The following SYT16 variants were observed in gnomAD, a reference collection of about 807,000 sequenced individuals.
The protein encoded by SYT16 is synaptotagmin 16.
Under a neutral mutation model 61.4 loss-of-function variants are expected in SYT16, and 42 were observed. The ratio of observed to expected loss-of-function variants is 0.68; its 90% CI spans 0.53 to 0.89. The LOEUF (loss-of-function observed/expected upper bound fraction) is 0.89. SYT16 is among the 40% of genes least tolerant of loss of function. SYT16 has a pLI of 0.00. For missense variants in SYT16, 804 were observed against 807.3 expected (o/e 1.00, Z 0.05); for synonymous variants, 314 against 302.3 (o/e 1.04, Z -0.40).
At chr14:61,891,231 TACACACAC>T (rs2048114426) in intron 1 of SYT16, among the ~76,000 whole-genome samples, 1 of 114,942 alleles carries the variant, frequency 8.7e-6, no homozygotes, top group South Asian at 2.8e-4. Flanking sequence ...TGCACGTGCA[TACACACAC>T]GCGCACACAC....
chr14:62,064,334 G>GAAAAAAAAAAAAAA (rs781727444), intron 3 of SYT16, among the ~76,000 whole-genome samples: 12 of 42,996 alleles, frequency 2.8e-4, no homozygotes, highest in African/African-American at 4.1e-4. Flanking sequence ...CTTTAAATTT[G>GAAAAAAAAAAAAAA]AAAAAAAAAA....
rs2045500756 is a variant in SYT16 at position 61,818,184 on chromosome 14, T to C, written c.-325+5374T>C. 1.3e-5 allele frequency among the ~76,000 whole-genome samples: 2 copies of C among 152,334 alleles called. 1 individual carries two copies. Among genetic ancestry groups the C allele is most frequent in the South Asian group, 4.1e-4 (2 of 4,830 alleles). On this transcript the variant is annotated intron_variant, in intron 1 of 7. Coordinates refer to ENST00000683842, the MANE Select transcript of SYT16 (RefSeq NM_001367656.1). ...GAGAGAATAGTATAGTGAACCCCCA[T>C]GTATCCAGGTCACATAGCTTTAATG...
Position 62,069,783 on chromosome 14 carries a change from GAGA to G in SYT16, c.708_710del (p.Glu236del), listed in dbSNP as rs2140941935. 6.2e-7 allele frequency: 1 copy of G among 1,613,982 alleles called. No individual in the cohort carries two copies. The highest frequency in any genetic ancestry group is 2.2e-5 in the East Asian group (1 of 44,876). On this transcript the variant is annotated inframe_deletion, in exon 4 of 8. Transcript: ENST00000683842. ...TTCAGCCGTTCGTTGTTGACACACG[GAGA>G]AGATGGCACAGAAGTATCTGCCTGC...
intron 3 of SYT16, among the ~76,000 whole-genome samples, chr14:62,058,481 G>C (rs559480836): frequency 2.0e-5 from 3 of 151,072 alleles, no homozygotes; most frequent in African/African-American, 7.3e-5. Flanking sequence ...CTCCTGCCTC[G>C]GCCTCCTGAG....
chr14:62,084,152 G>A, intron 6 of SYT16, 44 bp from the exon 7 acceptor site: 1 of 1,595,212 alleles, frequency 6.3e-7, no homozygotes, highest in South Asian at 1.1e-5. Flanking sequence ...AAAGAGAGTA[G>A]TGCAGCGTGG....
At chr14:62,012,003 A>G (rs1316796107) in intron 3 of SYT16, among the ~76,000 whole-genome samples, 2 of 110,328 alleles carry the variant, frequency 1.8e-5, no homozygotes, top group African/African-American at 3.5e-5. Flanking sequence ...CTGCATGTTA[A>G]AAAAAAAACA....
At chr14:61,971,070 A>G (rs1312359448) in intron 2 of SYT16, among the ~76,000 whole-genome samples, 2 of 152,126 alleles carry the variant, frequency 1.3e-5, no homozygotes, top group Non-Finnish European at 2.9e-5. Context: ...AGTACCCTCC[A>G]GGTATCCTAC....
chr14:61,822,416 T>G (rs539526453), intron 1 of SYT16, among the ~76,000 whole-genome samples: 1 of 152,330 alleles, frequency 6.6e-6, no homozygotes, highest in East Asian at 1.9e-4. Flanking sequence ...TCCTGCATCA[T>G]TCTTCTCTGG....
At chr14:61,927,864 G>A (rs114358425) in intron 1 of SYT16, among the ~76,000 whole-genome samples, 1,751 of 152,222 alleles carry the variant, frequency 0.012, 36 homozygotes, top group African/African-American at 0.04. Context: ...GGGAGGTGGA[G>A]GTGCTTTTCC....
chr14:61,921,421 G>A (rs2049331277), intron 1 of SYT16, among the ~76,000 whole-genome samples: 1 of 152,192 alleles, frequency 6.6e-6, no homozygotes, highest in Non-Finnish European at 1.5e-5. Flanking sequence ...CTAATCATAA[G>A]CAAGGGGACC....
At chr14:61,968,884 G>A (rs1429508011) in intron 1 of SYT16, among the ~76,000 whole-genome samples, 1 of 152,170 alleles carries the variant, frequency 6.6e-6, no homozygotes, top group Non-Finnish European at 1.5e-5. Flanking sequence ...CATGGTATGT[G>A]TTGGTTTTGA....
intron 1 of SYT16, among the ~76,000 whole-genome samples, chr14:61,964,889 G>T (rs1446440898): frequency 6.7e-6 from 1 of 150,056 alleles, no homozygotes; most frequent in African/African-American, 2.5e-5. Context: ...AGGGATCAGT[G>T]ATTTTTAGCT....
intron 3 of SYT16, among the ~76,000 whole-genome samples, chr14:62,032,696 G>A (rs999857886): frequency 2.0e-5 from 3 of 151,388 alleles, no homozygotes; most frequent in Non-Finnish European, 2.9e-5. Flanking sequence ...TTGACAGATC[G>A]TGGAGCTTCT....
At chr14:62,046,807 G>A (rs138096126) in intron 3 of SYT16, among the ~76,000 whole-genome samples, 5,265 of 152,162 alleles carry the variant, frequency 0.035, 317 homozygotes, top group African/African-American at 0.12. Context: ...TGTTCCATTG[G>A]TCTATATCTC....
intron 1 of SYT16, among the ~76,000 whole-genome samples, chr14:61,857,412 G>T (rs2046810214): frequency 6.6e-6 from 1 of 152,210 alleles, no homozygotes; most frequent in African/African-American, 2.4e-5. Flanking sequence ...GAAATTAGAG[G>T]TGGGCCCAGG....
At chr14:62,094,482 C>G (rs535968513) in intron 7 of SYT16, among the ~76,000 whole-genome samples, 22 of 151,908 alleles carry the variant, frequency 1.4e-4, no homozygotes, top group Non-Finnish European at 2.9e-4. Flanking sequence ...GTTCTTTATT[C>G]TAAGTTATAG....
intron 3 of SYT16, among the ~76,000 whole-genome samples, chr14:62,030,178 A>C (rs2054259995): frequency 1.3e-5 from 2 of 152,202 alleles, no homozygotes; most frequent in Non-Finnish European, 2.9e-5. Context: ...GAAAATATTC[A>C]ATACAAAGCC....
chr14:61,832,222 C>A, intron 1 of SYT16: 2 of 635,304 alleles, frequency 3.1e-6, no homozygotes, highest in Non-Finnish European at 6.1e-6. Flanking sequence ...TTGACATGGG[C>A]CACATCGGGT....
intron 3 of SYT16, among the ~76,000 whole-genome samples, chr14:62,014,780 T>A (rs147896292): frequency 6.6e-6 from 1 of 152,172 alleles, no homozygotes; most frequent in East Asian, 1.9e-4. Flanking sequence ...CATTCTTGAG[T>A]TTCCCCCTCC....
Sources: gnomAD v4.1 joint callset for allele counts (sites outside exome capture counted in the v4.1 genomes callset) on GRCh38, gnomAD v4.1.1 for gene constraint, MANE v1.5 for transcripts, NCBI Gene and HGNC (gene_info 2026-07-23, HGNC 2026-07-21) for gene names.